Variants in TTLL11 observed in about 807,000 individuals in gnomAD.
TTLL11 encodes tubulin polyglutamylase TTLL11.
Under a neutral mutation model 51.7 loss-of-function variants are expected in TTLL11, and 42 were observed. That is an observed-to-expected ratio of 0.81 (90% CI 0.64 to 1.05). TTLL11 has a LOEUF of 1.05. Among genes scored for constraint, TTLL11 ranks in the 50% least tolerant of loss-of-function variants. The probability of loss-of-function intolerance (pLI) is 0.00; values close to 1 mark genes in which losing one functional copy is unlikely to be tolerated. For synonymous variants in TTLL11, 381 were observed against 383.5 expected (o/e 0.99, Z 0.08); for missense variants, 799 against 940.4 (o/e 0.85, Z 1.97).
intron 3 of TTLL11, among the ~76,000 whole-genome samples, chr9:122,017,664 T>G (rs529647144): frequency 2.0e-5 from 3 of 152,172 alleles, no homozygotes; most frequent in Non-Finnish European, 4.4e-5. Context: ...GGTTTCACCA[T>G]GTTGGCTAGG....
chr9:121,996,497 TACACACATGCGAGCACATGC>T (rs1287000436), intron 3 of TTLL11, among the ~76,000 whole-genome samples: 1 of 151,584 alleles, frequency 6.6e-6, no homozygotes, highest in Non-Finnish European at 1.5e-5. Flanking sequence ...ATGTATAGAG[TACACACATGCGAGCACATGC>T]ACACACATGC....
chr9:121,935,054 A>G (rs1251272050), intron 6 of TTLL11, among the ~76,000 whole-genome samples: 1 of 152,046 alleles, frequency 6.6e-6, no homozygotes, highest in East Asian at 1.9e-4. Flanking sequence ...TCCTGGGTTC[A>G]AGTGATTCTT....
rs1836543113 is a variant in TTLL11, at chr9:121,820,443, G to T, written c.*2144C>A. Among the ~76,000 whole-genome samples the T allele has an allele frequency of 6.6e-6, 1 of 152,068 alleles. No homozygotes were observed. On this transcript the variant is annotated 3_prime_UTR_variant, in exon 9 of 9. Coordinates refer to ENST00000321582, the MANE Select transcript of TTLL11 (RefSeq NM_001139442.2). ...AAGGGGACTGGGAGAGCTGCATGGGGGCTTCAAACATTGTTTCTCACAATG... is the reference window on the plus strand; with the variant it reads ...AAGGGGACTGGGAGAGCTGCATGGGTGCTTCAAACATTGTTTCTCACAATG...
chr9:121,877,811 G>C (rs1838624982), intron 6 of TTLL11, among the ~76,000 whole-genome samples: 1 of 152,148 alleles, frequency 6.6e-6, no homozygotes, highest in Non-Finnish European at 1.5e-5. Flanking sequence ...AATGTGTTTT[G>C]AACCTGGGAA....
chr9:121,864,117 G>A (rs1395621193), intron 7 of TTLL11, among the ~76,000 whole-genome samples: 1 of 152,184 alleles, frequency 6.6e-6, no homozygotes, highest in African/African-American at 2.4e-5. Flanking sequence ...GACTCCAACA[G>A]TCAAGATATC....
At chr9:121,994,640 A>G (rs1440527881) in intron 3 of TTLL11, among the ~76,000 whole-genome samples, 1 of 152,220 alleles carries the variant, frequency 6.6e-6, no homozygotes, top group Non-Finnish European at 1.5e-5. Flanking sequence ...GGATGGAGGA[A>G]GATCAGGCCT....
intron 8 of TTLL11, among the ~76,000 whole-genome samples, chr9:121,830,631 A>G (rs954117216): frequency 6.6e-6 from 1 of 152,220 alleles, no homozygotes; most frequent in Non-Finnish European, 1.5e-5. Flanking sequence ...AATGGTTCCA[A>G]CTGCACATTA....
chr9:122,046,984 A>T (rs1332692643), intron 1 of TTLL11, among the ~76,000 whole-genome samples: 1 of 152,212 alleles, frequency 6.6e-6, no homozygotes, highest in Non-Finnish European at 1.5e-5. Flanking sequence ...CCTTCGGAGT[A>T]TATGGTCCAT....
chr9:121,937,624 C>T (rs534988566), intron 6 of TTLL11, among the ~76,000 whole-genome samples: 10 of 137,246 alleles, frequency 7.3e-5, no homozygotes, highest in East Asian at 4.6e-4. Context: ...TTTGGTGATT[C>T]GATGGCTATG....
chr9:121,847,083 G>A (rs544787046), intron 8 of TTLL11, among the ~76,000 whole-genome samples: 3 of 151,866 alleles, frequency 2.0e-5, no homozygotes, highest in African/African-American at 4.8e-5. Flanking sequence ...GGTGGCTGGC[G>A]CCTATAGTCC....
At chr9:121,975,887 T>C (rs1369018003) in intron 4 of TTLL11, among the ~76,000 whole-genome samples, 3 of 152,216 alleles carry the variant, frequency 2.0e-5, no homozygotes, top group African/African-American at 7.2e-5. Flanking sequence ...CACCCATTAC[T>C]ATACAATGCA....
intron 6 of TTLL11, among the ~76,000 whole-genome samples, chr9:121,930,980 T>C (rs946669994): frequency 6.6e-6 from 1 of 152,220 alleles, no homozygotes; most frequent in African/African-American, 2.4e-5. Flanking sequence ...AGTGAGGAGA[T>C]GGGATGTGCT....
At chr9:121,883,240 C>T (rs1838866916) in intron 6 of TTLL11, among the ~76,000 whole-genome samples, 1 of 152,200 alleles carries the variant, frequency 6.6e-6, no homozygotes, top group Non-Finnish European at 1.5e-5. Context: ...GATCAATACT[C>T]AGCCTCTGGT....
chr9:121,887,473 C>T (rs937971419), intron 6 of TTLL11, among the ~76,000 whole-genome samples: 60 of 152,338 alleles, frequency 3.9e-4, no homozygotes, highest in African/African-American at 1.1e-3. Flanking sequence ...CCACGTTAAT[C>T]GACTTGGGTT....
chr9:121,978,238 T>C (rs965963448), intron 4 of TTLL11, among the ~76,000 whole-genome samples: 1 of 152,210 alleles, frequency 6.6e-6, no homozygotes, highest in South Asian at 2.1e-4. Context: ...TCAATGGATC[T>C]TAATAAACAG....
intron 6 of TTLL11, among the ~76,000 whole-genome samples, chr9:121,904,046 G>A (rs376675506): frequency 3.6e-4 from 55 of 152,284 alleles, no homozygotes; most frequent in African/African-American, 1.3e-3. Context: ...CATAAACCGC[G>A]TTAATTCCCA....
intron 6 of TTLL11, among the ~76,000 whole-genome samples, chr9:121,961,136 T>C (rs898518406): frequency 7.2e-5 from 11 of 152,174 alleles, no homozygotes; most frequent in Non-Finnish European, 1.3e-4. Context: ...TAACAGATCA[T>C]TAGAAGAAAA....
chr9:121,961,916 C>T (rs1842239501), intron 6 of TTLL11, among the ~76,000 whole-genome samples: 3 of 151,958 alleles, frequency 2.0e-5, no homozygotes, highest in East Asian at 1.9e-4. Flanking sequence ...ATTAGCCAGG[C>T]GTGGTGGTGG....
At chr9:121,987,704 C>CGGCTCCTTCTCTCCTGATATTTATTCT (rs1842972646) in intron 4 of TTLL11, among the ~76,000 whole-genome samples, 1 of 152,092 alleles carries the variant, frequency 6.6e-6, no homozygotes, top group Admixed American at 6.5e-5. Flanking sequence ...CTTGCCATTC[C>CGGCTCCTTCTCTCCTGATATTTATTCT]GGCTCCTTCT....
Sources: allele counts gnomAD v4.1 joint callset (sites outside exome capture counted in the v4.1 genomes callset), GRCh38; gene constraint gnomAD v4.1.1; transcripts MANE v1.5; gene names NCBI Gene and HGNC (gene_info 2026-07-23, HGNC 2026-07-21).